Variants in PCDHA9 observed in about 807,000 individuals in gnomAD.
PCDHA9 encodes the protein protocadherin alpha-9.
A neutral mutation model predicts 62.0 loss-of-function variants in PCDHA9; 62 were observed. The observed-to-expected ratio is 1.00, with a 90% CI of 0.81 to 1.23. The LOEUF is 1.23. PCDHA9 is among the 50% of genes most tolerant of loss of function. PCDHA9 has a pLI of 0.00. For missense variants in PCDHA9, 1,205 were observed against 1,249.8 expected, an observed-to-expected ratio of 0.96 and a Z score of 0.54; for synonymous variants, 557 against 567.6, an observed-to-expected ratio of 0.98 and a Z score of 0.27.
chr5:140,941,190 TTTTTCTTTCTTC>T (rs1475511565), intron 1 of PCDHA9, among the ~76,000 whole-genome samples: 3 of 129,438 alleles, frequency 2.3e-5, no homozygotes, highest in South Asian at 2.5e-4. Context: ...TGCTTCTTTT[TTTTTCTTTCTTC>T]CTTTCTTTCT....
At chr5:140,884,538 G>A (rs781889228) in intron 1 of PCDHA9, 21 of 1,613,994 alleles carry the variant, frequency 1.3e-5, no homozygotes, top group Non-Finnish European at 1.8e-5. Context: ...AGGCGGCCGA[G>A]GGTGTGCTCT....
intron 1 of PCDHA9, among the ~76,000 whole-genome samples, chr5:140,900,519 T>G (rs1264399196): frequency 6.6e-6 from 1 of 152,224 alleles, no homozygotes; most frequent in East Asian, 1.9e-4. Flanking sequence ...TCAGGTGATC[T>G]GCCCACCTCG....
At chr5:140,888,938 G>T (rs947628683) in intron 1 of PCDHA9, among the ~76,000 whole-genome samples, 1 of 151,864 alleles carries the variant, frequency 6.6e-6, no homozygotes, top group Admixed American at 6.6e-5. Flanking sequence ...TTTGAGGGAG[G>T]TATAAATTTT....
Position 140,852,587 on chromosome 5 carries a change from T to TTA in PCDHA9, c.2394+1699_2394+1700insAT, listed in dbSNP as rs201827177. On this transcript the variant is annotated intron_variant, in intron 1 of 3. Coordinates refer to ENST00000532602, the MANE Select transcript of PCDHA9 (RefSeq NM_031857.2). ...CACTGTGCCAAGGCTTTTTTATTTTTTTTTTTTGTCATTTTCTTTCAAAAC... is the reference window on the plus strand; with the variant it reads ...CACTGTGCCAAGGCTTTTTTATTTTTTATTTTTTTGTCATTTTCTTTCAAAAC... The TTA allele has an allele frequency of 1.9e-3, 1,677 of 881,866 alleles. 105 individuals carry two copies. The African/African-American group carries it at 0.023, about 12-fold the overall frequency. 54.6% of individuals were successfully genotyped at this position (881,866 alleles called of 1,614,324 possible). A position where few individuals can be genotyped will look rare whatever the true frequency, so the allele number is the denominator to read the frequency against.
intron 1 of PCDHA9, among the ~76,000 whole-genome samples, chr5:140,933,588 G>A (rs2089253151): frequency 6.6e-6 from 1 of 151,988 alleles, no homozygotes; most frequent in Non-Finnish European, 1.5e-5. Flanking sequence ...TGGGTTTTTA[G>A]GTTGATTTGT....
chr5:140,890,419 A>G (rs1168983784), intron 1 of PCDHA9, among the ~76,000 whole-genome samples: 4 of 152,212 alleles, frequency 2.6e-5, no homozygotes, highest in Non-Finnish European at 5.9e-5. Context: ...ATATTTATTT[A>G]GTTTATATTT....
At chr5:140,871,120 C>G (rs1554165154) in intron 1 of PCDHA9, 1 of 1,613,342 alleles carries the variant, frequency 6.2e-7, no homozygotes, top group Non-Finnish European at 8.5e-7. Flanking sequence ...GGAGAGCGGA[C>G]AGGCGCCAAA....
Position 140,848,628 on chromosome 5 carries a change from G to A in PCDHA9, c.133G>A (p.Val45Met), listed in dbSNP as rs1324481449. 6.3e-7 allele frequency: 1 copy of A among 1,593,422 alleles called. No homozygotes were observed. Among genetic ancestry groups the A allele is most frequent in the Non-Finnish European group, 8.6e-7 (1 of 1,163,930 alleles). The change falls in exon 1 of 4, where the codon GTG becomes ATG. Residue 45 changes from valine to methionine, a missense_variant. Transcript: ENST00000532602. Reference sequence around the variant, plus strand: ...GGAGGAAGCCGAACACGGCACCTTCGTGGGCCGCATCGCGCAGGACCTGGG... The same window carrying A: ...GGAGGAAGCCGAACACGGCACCTTCATGGGCCGCATCGCGCAGGACCTGGG... ...VPEEAEHGTFVGRIAQDLGLE... is the reference protein window; with the variant it reads ...VPEEAEHGTFMGRIAQDLGLE...
Position 140,849,199 on chromosome 5 carries a change from A to G in PCDHA9, c.704A>G (p.Asn235Ser), listed in dbSNP as rs1581177103. 1 of 1,039,422 alleles carries G rather than the reference A, an allele frequency of 9.6e-7. No homozygotes were observed. The allele number at this position is 1,039,422 out of a possible 1,614,324, so 64.4% of individuals were successfully genotyped here. The change falls in exon 1 of 4, where the codon AAC becomes AGC. Residue 235 changes from asparagine to serine, a missense_variant. By Grantham distance (46) the Asn-to-Ser change is conservative. Around this residue, in one of 3 missense-constraint regions of PCDHA9, gnomAD observed 110 missense variants for 227.2 expected, o/e 0.48. Transcript: ENST00000532602. Reference sequence around the variant, plus strand: ...CAATTACTCATCACGGTACTGGACAACAATGACAATGCCCCAGTGTTCGAC... The same window carrying G: ...CAATTACTCATCACGGTACTGGACAGCAATGACAATGCCCCAGTGTTCGAC... ...TVQLLITVLD[N>S]NDNAPVFDRT...
At chr5:140,862,916 G>T (rs1581662111) in intron 1 of PCDHA9, 1 of 547,888 alleles carries the variant, frequency 1.8e-6, no homozygotes, top group Non-Finnish European at 3.5e-6. Context: ...CTGGCGCCTT[G>T]GGTGGGCTGG....
rs2041453726 is a variant in PCDHA9, at chr5:140,850,240, T to A, written c.1745T>A (p.Leu582Gln). 6.3e-7 allele frequency: 1 copy of A among 1,593,332 alleles called. No individual in the cohort carries two copies. Among genetic ancestry groups the A allele is most frequent in the Non-Finnish European group, 8.6e-7 (1 of 1,167,136 alleles). The change falls in exon 1 of 4, where the codon CTG becomes CAG. Residue 582 changes from leucine (L) to glutamine (Q), a missense_variant. Leu to Gln is a moderately radical substitution (Grantham distance 113). Around this residue, in one of 3 missense-constraint regions of PCDHA9, gnomAD observed 887 missense variants for 809.5 expected, o/e 1.10. Transcript: ENST00000532602. ...GACGGCGCAGTGAGCGAGATGGTGCTGCGGTCGGTGGGCGCCGGCGTAGTG... is the reference window on the plus strand; with the variant it reads ...GACGGCGCAGTGAGCGAGATGGTGCAGCGGTCGGTGGGCGCCGGCGTAGTG... Reference protein sequence around the residue: ...GTDGAVSEMVLRSVGAGVVVG... With the variant: ...GTDGAVSEMVQRSVGAGVVVG...
At position 141,010,147 on chromosome 5, in the gene PCDHA9, C is replaced by A; in HGVS notation, c.*210C>A. ...AAGTCTGGTGTTAACTCTTTCTCTC[C>A]ACTCTGGCTTGTTTTCAGAACCTAA... On this transcript the variant is annotated 3_prime_UTR_variant, in exon 4 of 4. Coordinates refer to ENST00000532602, the MANE Select transcript of PCDHA9 (RefSeq NM_031857.2). 1 of 1,583,190 alleles carries A rather than the reference C, an allele frequency of 6.3e-7. No individual in the cohort carries two copies. Among genetic ancestry groups the A allele is most frequent in the Non-Finnish European group, 8.6e-7 (1 of 1,163,606 alleles).
At chr5:140,923,839 A>G (rs2081544977) in intron 1 of PCDHA9, among the ~76,000 whole-genome samples, 1 of 152,236 alleles carries the variant, frequency 6.6e-6, no homozygotes, top group Non-Finnish European at 1.5e-5. Flanking sequence ...CAGTTTAAAT[A>G]GAGAAATGGG....
chr5:140,849,028 T>G lies in PCDHA9; in HGVS notation c.533T>G (p.Phe178Cys), dbSNP rs2040749628. 5.1e-6 allele frequency: 8 copies of G among 1,583,910 alleles called. No homozygotes were observed. The highest frequency in any genetic ancestry group is 1.4e-5 in the African/African-American group (1 of 70,832). Reference sequence around the variant, plus strand: ...TACAGACTGAGCCCCAATGAGTATTTCTTCCTGGACGTGCCAACCAGCAAC... The same window carrying G: ...TACAGACTGAGCCCCAATGAGTATTGCTTCCTGGACGTGCCAACCAGCAAC... ...LTYRLSPNEY[F>C]FLDVPTSNQQ... The change falls in exon 1 of 4, where the codon TTC becomes TGC. Residue 178 changes from phenylalanine to cysteine, a missense_variant. Around this residue, in one of 3 missense-constraint regions of PCDHA9, gnomAD observed 110 missense variants for 227.2 expected, o/e 0.48. Transcript: ENST00000532602.
At chr5:140,872,614 T>G (rs1001550468) in intron 1 of PCDHA9, among the ~76,000 whole-genome samples, 1 of 152,320 alleles carries the variant, frequency 6.6e-6, no homozygotes, top group Admixed American at 6.5e-5. Flanking sequence ...TAATTTTTTT[T>G]GCCTGTTCTT....
intron 1 of PCDHA9, chr5:140,870,088 A>G: frequency 1.9e-6 from 3 of 1,613,934 alleles, no homozygotes; most frequent in Non-Finnish European, 2.5e-6. Flanking sequence ...GACTCCCCCA[A>G]TGGCAGGTCA....
At chr5:140,931,951 G>A (rs1366094994) in intron 1 of PCDHA9, among the ~76,000 whole-genome samples, 1 of 151,826 alleles carries the variant, frequency 6.6e-6, no homozygotes, top group Non-Finnish European at 1.5e-5. Flanking sequence ...GAGTCTTACA[G>A]AATCATGTTG....
chr5:140,934,999 T>C (rs2090139389), intron 1 of PCDHA9, among the ~76,000 whole-genome samples: 1 of 152,196 alleles, frequency 6.6e-6, no homozygotes, highest in Admixed American at 6.5e-5. Flanking sequence ...CCTGAATCCT[T>C]TTCATGTGAG....
rs370831122 is a variant in PCDHA9, at chr5:140,966,962, G to C, written c.2395-11987G>C. On this transcript the variant is annotated intron_variant, in intron 1 of 3. Transcript: ENST00000532602. ...CGTGGGCAACGTGGCTCGCGCGCTG[G>C]GGCTTGAGCTGCGGCGCTTGGGGCC... The C allele has an allele frequency of 1.3e-5, 21 of 1,602,632 alleles. No individual in the cohort carries two copies. Among genetic ancestry groups the C allele is most frequent in the Admixed American group, 3.3e-5 (2 of 59,750 alleles).
Sources: gnomAD v4.1 joint callset for allele counts (sites outside exome capture counted in the v4.1 genomes callset) on GRCh38, gnomAD v4.1.1 for gene constraint, gnomAD v4.1.1 regional missense constraint, MANE v1.5 for transcripts, NCBI Gene and HGNC (gene_info 2026-07-23, HGNC 2026-07-21) for gene names.